Variants in KLF17 observed in about 807,000 individuals in gnomAD.
KLF17 encodes the protein KLF transcription factor 17.
Under a neutral mutation model 34.2 loss-of-function variants are expected in KLF17, and 31 were observed. The ratio of observed to expected loss-of-function variants is 0.91; its 90% CI spans 0.68 to 1.22. The LOEUF is 1.22. KLF17 is among the 50% of genes most tolerant of loss of function. The pLI is 0.00. For synonymous variants in KLF17, 179 were observed against 186.7 expected, an observed-to-expected ratio of 0.96 and a Z score of 0.34; for missense variants, 478 against 505.2, an observed-to-expected ratio of 0.95 and a Z score of 0.52.
At chr1:44,102,046 AAAAC>A in the KLF17 span, among the ~76,000 whole-genome samples, 2 of 151,352 alleles carry the variant, frequency 1.3e-5, no homozygotes, top group African/African-American at 2.4e-5. Flanking sequence ...CCCTGTCTCA[AAAAC>A]AAACAAACAA....
chr1:44,102,255 C>T, the KLF17 span, among the ~76,000 whole-genome samples: 5 of 151,950 alleles, frequency 3.3e-5, no homozygotes, highest in South Asian at 4.2e-4. Context: ...CACTTTAGGC[C>T]GGGCACGGTG....
the KLF17 span, among the ~76,000 whole-genome samples, chr1:44,089,203 G>A: frequency 6.6e-6 from 1 of 152,164 alleles, no homozygotes. Context: ...TATCTGCAAT[G>A]CATGTAACTA....
chr1:44,048,037 T>TGTGC, the KLF17 span: 1 of 150,580 alleles, frequency 6.6e-6, no homozygotes, highest in African/African-American at 2.5e-5. Flanking sequence ...TGTGTGTGTG[T>TGTGC]GTGCACGTGC....
At chr1:44,071,991 TG>T in the KLF17 span, among the ~76,000 whole-genome samples, 119 of 149,976 alleles carry the variant, frequency 7.9e-4, 1 homozygote, top group African/African-American at 2.7e-3. Context: ...TGTTTTTTTT[TG>T]GGGGGGGACG....
chr1:44,094,713 A>T, the KLF17 span, among the ~76,000 whole-genome samples: 1 of 152,052 alleles, frequency 6.6e-6, no homozygotes, highest in Non-Finnish European at 1.5e-5. Context: ...GTCTGTTTTT[A>T]TTGCCAGTAC....
chr1:44,079,344 A>G, the KLF17 span, among the ~76,000 whole-genome samples: 2 of 144,258 alleles, frequency 1.4e-5, no homozygotes, highest in African/African-American at 2.6e-5. Context: ...TCTGTTGCCC[A>G]GGTTGGAGTG....
chr1:44,134,517 ACT>A lies in KLF17; in HGVS notation c.*1283_*1284del, dbSNP rs34068395. On this transcript the variant is annotated 3_prime_UTR_variant, in exon 4 of 4. Coordinates refer to ENST00000372299, the MANE Select transcript of KLF17 (RefSeq NM_173484.4). ...ACTCCAGCCTGGGCGACTGAGCGAG[ACT>A]CTATCTCAAAACAATCAAAACAAAA... 38,445 of 151,930 alleles carry A rather than the reference ACT, an allele frequency of 0.25. 5,118 individuals carry two copies. The highest frequency in any genetic ancestry group is 0.29 in the Non-Finnish European group (20,019 of 67,932). 9.4% of individuals were successfully genotyped at this position (151,930 alleles called of 1,614,324 possible). A position where few individuals can be genotyped will look rare whatever the true frequency, so the allele number is the denominator to read the frequency against.
intron 1 of KLF17, among the ~76,000 whole-genome samples, chr1:44,127,666 CT>C (rs746900565): frequency 7.4e-5 from 3 of 40,358 alleles, no homozygotes; most frequent in Admixed American, 3.3e-4. Context: ...TTCTTTCTTT[CT>C]TTCTTTCTTT....
the KLF17 span, among the ~76,000 whole-genome samples, chr1:44,085,844 G>A: frequency 1.4e-5 from 2 of 147,686 alleles, no homozygotes; most frequent in Non-Finnish European, 3.0e-5. Context: ...GAGAGAGAGA[G>A]AGCAATGGCA....
At chr1:44,080,566 C>T in the KLF17 span, among the ~76,000 whole-genome samples, 1 of 152,104 alleles carries the variant, frequency 6.6e-6, no homozygotes, top group East Asian at 1.9e-4. Flanking sequence ...TCGTATTTTA[C>T]AATAAGTCTT....
chr1:44,131,775 A>C (rs1189332744), intron 3 of KLF17, among the ~76,000 whole-genome samples: 1 of 151,992 alleles, frequency 6.6e-6, no homozygotes. Flanking sequence ...GCTCACTGCA[A>C]CCTCTGCCTC....
chr1:44,090,978 C>T, the KLF17 span, among the ~76,000 whole-genome samples: 5 of 149,128 alleles, frequency 3.4e-5, no homozygotes, highest in South Asian at 1.1e-3. Context: ...ACACACAGAG[C>T]CATCCATTAA....
chr1:44,073,737 C>A, the KLF17 span, among the ~76,000 whole-genome samples: 1 of 152,108 alleles, frequency 6.6e-6, no homozygotes, highest in Non-Finnish European at 1.5e-5. Flanking sequence ...TCCTAAGGCA[C>A]CTGCCTGGCT....
intron 1 of KLF17, among the ~76,000 whole-genome samples, chr1:44,125,632 T>G (rs2087998757): frequency 6.6e-6 from 1 of 152,126 alleles, no homozygotes; most frequent in South Asian, 2.1e-4. Flanking sequence ...CACACCTGGC[T>G]AATTTTTGTA....
At chr1:44,054,396 A>G in the KLF17 span, among the ~76,000 whole-genome samples, 9 of 151,534 alleles carry the variant, frequency 5.9e-5, no homozygotes, top group Non-Finnish European at 1.2e-4. Context: ...CCCCAGGAAA[A>G]TATGGGAAGA....
At chr1:44,055,822 T>C in the KLF17 span, among the ~76,000 whole-genome samples, 1 of 152,188 alleles carries the variant, frequency 6.6e-6, no homozygotes, top group Non-Finnish European at 1.5e-5. Context: ...CCTGTGCCAG[T>C]CCCCATGTAA....
chr1:44,066,346 C>CCAA, the KLF17 span, among the ~76,000 whole-genome samples: 4 of 145,190 alleles, frequency 2.8e-5, no homozygotes, highest in South Asian at 2.2e-4. Flanking sequence ...ACCCTCCCCC[C>CCAA]AAAAAAAACA....
upstream of KLF17, chr1:44,114,854 A>T (rs185154240): frequency 6.6e-6 from 1 of 152,348 alleles, no homozygotes; most frequent in Admixed American, 6.5e-5. Flanking sequence ...TTTTATTTGT[A>T]CATGTAAACT....
chr1:44,131,900 G>A (rs1401279793), intron 3 of KLF17, among the ~76,000 whole-genome samples: 1 of 151,984 alleles, frequency 6.6e-6, no homozygotes, highest in Non-Finnish European at 1.5e-5. Context: ...TCACCATGTT[G>A]GCCAGACTAA....
Sources: gnomAD v4.1 joint callset for allele counts (sites outside exome capture counted in the v4.1 genomes callset) on GRCh38, gnomAD v4.1.1 for gene constraint, MANE v1.5 for transcripts, NCBI Gene and HGNC (gene_info 2026-07-23, HGNC 2026-07-21) for gene names.